Variants in UBAP2 observed in about 807,000 individuals in gnomAD.
The protein encoded by UBAP2 is ubiquitin associated protein 2.
UBAP2 carries 75 observed loss-of-function variants against 139.6 expected under a neutral mutation model. The observed-to-expected ratio is 0.54, with a 90% CI of 0.45 to 0.65. The LOEUF is 0.65. UBAP2 is among the 30% of genes least tolerant of loss of function. The pLI, the probability that UBAP2 is intolerant of heterozygous loss-of-function variation, is 0.00. For missense variants in UBAP2, 1,368 were observed against 1,369.6 expected (o/e 1.00, Z 0.02); for synonymous variants, 526 against 526.2 (o/e 1.00, Z 0.01).
At chr9:33,942,740 A>C (rs1293214785) in intron 15 of UBAP2, among the ~76,000 whole-genome samples, 1 of 151,246 alleles carries the variant, frequency 6.6e-6, no homozygotes, top group Non-Finnish European at 1.5e-5. Context: ...AAAAAAAAAA[A>C]AGAAAAGAAA....
chr9:33,987,265 A>G (rs1821300907), intron 5 of UBAP2, among the ~76,000 whole-genome samples: 1 of 152,118 alleles, frequency 6.6e-6, no homozygotes, highest in Non-Finnish European at 1.5e-5. Context: ...TATAAAAATT[A>G]GCCAAGTGTG....
intron 12 of UBAP2, among the ~76,000 whole-genome samples, chr9:33,951,454 C>G (rs897541114): frequency 6.9e-6 from 1 of 144,726 alleles, no homozygotes; most frequent in Non-Finnish European, 1.5e-5. Context: ...TCAAGTGATT[C>G]TCTTGACTCA....
In UBAP2 at chr9:33,950,152, G is replaced by C. The variant is rs528099730; in HGVS notation, c.1057-1565C>G. 4.6e-5 allele frequency among the ~76,000 whole-genome samples: 7 copies of C among 152,018 alleles called. No homozygotes were observed. The East Asian group carries it at 1.4e-3, about 29-fold the overall frequency. On this transcript the variant is annotated intron_variant, in intron 12 of 28. Coordinates refer to ENST00000379238, the MANE Select transcript of UBAP2 (RefSeq NM_001370062.2). Reference sequence around the variant, plus strand: ...GCGATCTCGGCTCACTGCAAGCTCCGCCTCCCAGGTTCACTCCATTCTCCT... The same window carrying C: ...GCGATCTCGGCTCACTGCAAGCTCCCCCTCCCAGGTTCACTCCATTCTCCT...
chr9:33,926,518 G>A (rs1823441815), intron 22 of UBAP2, 99 bp downstream of exon 22: 1 of 1,353,400 alleles, frequency 7.4e-7, no homozygotes, highest in South Asian at 1.2e-5. Flanking sequence ...TCAGGCAGAG[G>A]ATCCTAAGGG....
At chr9:33,998,579 T>A in intron 3 of UBAP2, 1 of 505,452 alleles carries the variant, frequency 2.0e-6, no homozygotes, top group Admixed American at 3.5e-5. Flanking sequence ...AAAGATTATA[T>A]TGTAAGGCAG....
chr9:33,952,530 A>G (rs142153527), intron 12 of UBAP2, among the ~76,000 whole-genome samples: 2 of 152,320 alleles, frequency 1.3e-5, no homozygotes, highest in African/African-American at 4.8e-5. Context: ...GGGAAAAAAA[A>G]GCAAAAAATG....
intron 7 of UBAP2, among the ~76,000 whole-genome samples, chr9:33,972,310 A>C (rs528278341): frequency 6.6e-6 from 1 of 152,354 alleles, no homozygotes; most frequent in African/African-American, 2.4e-5. Flanking sequence ...TTACCTTTAA[A>C]ATTTTCACAA....
chr9:34,019,557 T>C (rs957058074), intron 1 of UBAP2, among the ~76,000 whole-genome samples: 10 of 152,096 alleles, frequency 6.6e-5, no homozygotes, highest in African/African-American at 1.7e-4. Context: ...ATGGAGTTTC[T>C]GTAGGGGAGG....
chr9:33,980,968 C>T (rs1189580523), intron 6 of UBAP2, among the ~76,000 whole-genome samples: 1 of 147,782 alleles, frequency 6.8e-6, no homozygotes, highest in African/African-American at 2.5e-5. Flanking sequence ...AATAAAAATA[C>T]AGTAAATAAA....
chr9:33,931,046 T>C (rs574733996), intron 19 of UBAP2, among the ~76,000 whole-genome samples: 156 of 152,318 alleles, frequency 1.0e-3, no homozygotes, highest in Non-Finnish European at 1.5e-3. Context: ...TCATTGTCTA[T>C]CTTTCCATAA....
At chr9:33,935,718 A>AG (rs769450477) in intron 17 of UBAP2, 121 bp downstream of exon 17, 3 of 1,183,924 alleles carry the variant, frequency 2.5e-6, no homozygotes, top group African/African-American at 3.0e-5. Context: ...AAAAAGCAAA[A>AG]GGGCTGCTTT....
At chr9:34,038,739 C>T (rs1356710395) in intron 1 of UBAP2, among the ~76,000 whole-genome samples, 1 of 151,754 alleles carries the variant, frequency 6.6e-6, no homozygotes, top group African/African-American at 2.4e-5. Flanking sequence ...TCTGCCTGGC[C>T]GCCCATCGTC....
At chr9:33,954,321 T>C (rs1826371718) in intron 11 of UBAP2, among the ~76,000 whole-genome samples, 1 of 123,384 alleles carries the variant, frequency 8.1e-6, no homozygotes, top group African/African-American at 2.8e-5. Context: ...ATTTTATCTT[T>C]AAAATATTCA....
intron 20 of UBAP2, 144 bp downstream of exon 20, chr9:33,927,653 A>C: frequency 2.6e-5 from 20 of 769,174 alleles, no homozygotes; most frequent in Non-Finnish European, 4.0e-5. Flanking sequence ...AGGGGTGGGG[A>C]GATTGGGCCT....
chr9:33,989,945 A>G (rs1363858112), intron 4 of UBAP2, among the ~76,000 whole-genome samples: 1 of 152,168 alleles, frequency 6.6e-6, no homozygotes, highest in Non-Finnish European at 1.5e-5. Flanking sequence ...AAAAATTTAT[A>G]AAGCACCTAA....
chr9:34,022,599 C>A (rs1488820331), intron 1 of UBAP2, among the ~76,000 whole-genome samples: 2 of 151,888 alleles, frequency 1.3e-5, no homozygotes, highest in Admixed American at 6.6e-5. Context: ...CCGTGCCCAG[C>A]CGATTTTTTT....
chr9:34,024,428 T>C (rs1825234164), intron 1 of UBAP2, among the ~76,000 whole-genome samples: 2 of 152,102 alleles, frequency 1.3e-5, no homozygotes, highest in Admixed American at 1.3e-4. Flanking sequence ...CATGCTTAAA[T>C]AAATTCAGAT....
In UBAP2 at chr9:34,045,342, C is replaced by T. The variant is rs74846596; in HGVS notation, c.-42+3483G>A. On this transcript the variant is annotated intron_variant, in intron 1 of 28. Transcript: ENST00000379238. ...ATTTGGGCAACAGTGAGACTGTCTT[C>T]AAAAAAAAAAAAGGGTAGAAAAAAA... Among the ~76,000 whole-genome samples, 7 of 97,504 alleles carry T rather than the reference C, an allele frequency of 7.2e-5. No individual in the cohort carries two copies. In the Admixed American group the frequency reaches 7.6e-4, roughly 11 times the overall value. The allele number at this position is 97,504 out of a possible 152,430, so 64.0% of individuals were successfully genotyped here.
chr9:34,004,344 G>C (rs1344769935), intron 2 of UBAP2, among the ~76,000 whole-genome samples: 1 of 152,134 alleles, frequency 6.6e-6, no homozygotes, highest in Non-Finnish European at 1.5e-5. Flanking sequence ...AACTAGCCAA[G>C]TGTGGTGGTA....
Sources: gnomAD v4.1 joint callset for allele counts (sites outside exome capture counted in the v4.1 genomes callset) on GRCh38, gnomAD v4.1.1 for gene constraint, MANE v1.5 for transcripts, NCBI Gene and HGNC (gene_info 2026-07-23, HGNC 2026-07-21) for gene names.